KRT8: variants seen among roughly 807,000 people sequenced by gnomAD.
KRT8 encodes the protein keratin, type II cytoskeletal 8.
Under a neutral mutation model 43.0 loss-of-function variants are expected in KRT8, and 24 were observed. That is an observed-to-expected ratio of 0.56 (90% CI 0.40 to 0.78). The LOEUF (loss-of-function observed/expected upper bound fraction) is 0.78. Among genes scored for constraint, KRT8 ranks in the 30% least tolerant of loss-of-function variants. The probability of loss-of-function intolerance (pLI) is 0.00; values close to 1 mark genes in which losing one functional copy is unlikely to be tolerated. For missense variants in KRT8, 492 were observed against 638.4 expected (o/e 0.77, Z 2.47); for synonymous variants, 214 against 261.2 (o/e 0.82, Z 1.74).
At chr12:52,916,622 A>G (rs1353189096) in intron 2 of KRT8, among the ~76,000 whole-genome samples, 1 of 152,138 alleles carries the variant, frequency 6.6e-6, no homozygotes, top group Non-Finnish European at 1.5e-5. Context: ...GATGCTCCAG[A>G]GTAAATGTAT....
chr12:52,924,423 T>C (rs1348477023), intron 2 of KRT8, among the ~76,000 whole-genome samples: 1 of 146,492 alleles, frequency 6.8e-6, no homozygotes, highest in Admixed American at 7.0e-5. Context: ...CACTCCAGCC[T>C]GGGCGACAGA....
At chr12:52,899,047 G>T in intron 5 of KRT8, 148 bp from the exon 6 acceptor site, 1 of 724,962 alleles carries the variant, frequency 1.4e-6, no homozygotes, top group Non-Finnish European at 2.4e-6. Flanking sequence ...GGGCACAGTG[G>T]CTCATGCCTG....
intron 2 of KRT8, among the ~76,000 whole-genome samples, chr12:52,938,170 A>ATATATATATATATATATATTTTTT (rs1555189967): frequency 9.9e-5 from 3 of 30,318 alleles, no homozygotes; most frequent in African/African-American, 2.9e-4. Flanking sequence ...ATATATATAT[A>ATATATATATATATATATATTTTTT]TTTTTTTTTT....
At chr12:52,907,010 AC>A, upstream of KRT8, 1 of 275,686 alleles carries the variant, frequency 3.6e-6, no homozygotes, top group Non-Finnish European at 7.3e-6. Flanking sequence ...ACACACACAC[AC>A]ACCCCACACA....
At chr12:52,949,530 G>A in exon 2 of KRT8, 1 of 1,613,748 alleles carries the variant, frequency 6.2e-7, no homozygotes, top group Non-Finnish European at 8.5e-7. Context: ...TGGAGAAGAA[G>A]GGACCCCAGG....
At chr12:52,918,181 G>GAAGAAA (rs1941800650) in intron 2 of KRT8, among the ~76,000 whole-genome samples, 4 of 80,002 alleles carry the variant, frequency 5.0e-5, no homozygotes, top group African/African-American at 2.6e-4. Flanking sequence ...AGAGGAAGAG[G>GAAGAAA]AAGAAGAAGA....
intron 7 of KRT8, among the ~76,000 whole-genome samples, chr12:52,898,151 C>T (rs928711985): frequency 8.5e-5 from 13 of 152,222 alleles, no homozygotes; most frequent in African/African-American, 1.9e-4. Flanking sequence ...GGTGACAGAG[C>T]GAGACTTCGT....
chr12:52,929,953 T>C (rs1403441597), intron 2 of KRT8, among the ~76,000 whole-genome samples: 1 of 152,180 alleles, frequency 6.6e-6, no homozygotes, highest in Non-Finnish European at 1.5e-5. Flanking sequence ...CATTATCCAA[T>C]GCCATCCTCC....
chr12:52,921,946 G>A (rs1255054104), intron 2 of KRT8, among the ~76,000 whole-genome samples: 1 of 151,732 alleles, frequency 6.6e-6, no homozygotes, highest in Non-Finnish European at 1.5e-5. Flanking sequence ...TGGGAGGATG[G>A]CTTGAGGCTA....
At chr12:52,908,527 G>A (rs549570048), upstream of KRT8, among the ~76,000 whole-genome samples, 1 of 152,186 alleles carries the variant, frequency 6.6e-6, no homozygotes, top group African/African-American at 2.4e-5. Flanking sequence ...CTTGAAACCC[G>A]TATGCTCAGT....
intron 2 of KRT8, among the ~76,000 whole-genome samples, chr12:52,941,447 A>G (rs1283114523): frequency 7.5e-6 from 1 of 132,748 alleles, no homozygotes. Flanking sequence ...TCTTACCCTT[A>G]GCCCCCGGGC....
intron 2 of KRT8, among the ~76,000 whole-genome samples, chr12:52,937,824 C>T (rs1470500306): frequency 6.6e-6 from 1 of 151,432 alleles, no homozygotes; most frequent in African/African-American, 2.4e-5. Context: ...TGGTGAAACC[C>T]TGTCTCTACT....
At chr12:52,899,337 G>A (rs1941303840) in intron 5 of KRT8, among the ~76,000 whole-genome samples, 2 of 152,036 alleles carry the variant, frequency 1.3e-5, no homozygotes, top group African/African-American at 4.8e-5. Flanking sequence ...ATAAATAAAC[G>A]AGACTAAGGA....
intron 2 of KRT8, among the ~76,000 whole-genome samples, chr12:52,920,398 G>A (rs896605879): frequency 1.3e-5 from 2 of 151,782 alleles, no homozygotes; most frequent in African/African-American, 2.4e-5. Context: ...AAGAGTTTGA[G>A]ACCAGCCTGA....
chr12:52,949,501 A>G (rs1360506073), exon 2 of KRT8: 1 of 1,613,556 alleles, frequency 6.2e-7, no homozygotes. Context: ...GAGGCTGGAG[A>G]GCAAAATCCG....
In KRT8 at chr12:52,898,707, T is replaced by C. The variant is rs777964430; in HGVS notation, c.1174A>G (p.Arg392Gly). ...CTCTCCTCGCCCTCCAGCAGCTTCC[T>C]GTAGGTGGCGATCTCGATGTCCAGG... The change falls in exon 6 of 8, where the codon AGG becomes GGG. Residue 392 changes from arginine (R) to glycine (G), a missense_variant. Physicochemically the swap from Arg to Gly is moderately radical, Grantham distance 125. This residue lies in a region of KRT8 where 389 missense variants were observed against 485.7 expected (regional missense o/e 0.80). Transcript: ENST00000692008. 19 of 1,614,070 alleles carry C rather than the reference T, an allele frequency of 1.2e-5. No individual in the cohort carries two copies. The Admixed American group carries it at 3.2e-4, about 27-fold the overall frequency.
intron 2 of KRT8, among the ~76,000 whole-genome samples, chr12:52,946,291 G>A (rs1263865297): frequency 3.3e-5 from 5 of 152,146 alleles, no homozygotes; most frequent in Admixed American, 3.3e-4. Flanking sequence ...CAGAGAGACA[G>A]ACTTCAAACC....
chr12:52,939,960 G>GA (rs1293917564), intron 2 of KRT8, among the ~76,000 whole-genome samples: 2 of 151,760 alleles, frequency 1.3e-5, no homozygotes, highest in African/African-American at 4.8e-5. Flanking sequence ...AAAAAGTAAA[G>GA]AAAAAAACTA....
intron 2 of KRT8, chr12:52,948,653 G>A (rs1942393358): frequency 8.8e-6 from 3 of 339,048 alleles, no homozygotes; most frequent in African/African-American, 2.1e-5. Context: ...CATCACGTCC[G>A]GCTAATTTTT....
Sources: gnomAD v4.1 joint callset for allele counts (sites outside exome capture counted in the v4.1 genomes callset) on GRCh38, gnomAD v4.1.1 for gene constraint, gnomAD v4.1.1 regional missense constraint, MANE v1.5 for transcripts, NCBI Gene and HGNC (gene_info 2026-07-23, HGNC 2026-07-21) for gene names.